The following CUBN variants were observed in gnomAD, a reference collection of about 807,000 sequenced individuals.
CUBN encodes the protein 460 kDa receptor.
Under a neutral mutation model 405.3 loss-of-function variants are expected in CUBN, and 282 were observed. The observed-to-expected ratio is 0.70, with a 90% CI of 0.63 to 0.77. The LOEUF is 0.77. Among genes scored for constraint, CUBN ranks in the 30% least tolerant of loss-of-function variants. The pLI, the probability that CUBN is intolerant of heterozygous loss-of-function variation, is 0.00. For synonymous variants in CUBN, 1,684 were observed against 1,617.0 expected, an observed-to-expected ratio of 1.04 and a Z score of -0.99; for missense variants, 4,514 against 4,475.2, an observed-to-expected ratio of 1.01 and a Z score of -0.25.
chr10:16,942,858 G>GGGAAA (rs1291094413), intron 36 of CUBN, among the ~76,000 whole-genome samples: 1 of 114,212 alleles, frequency 8.8e-6, no homozygotes, highest in East Asian at 2.6e-4. Context: ...GGAAGGGGAA[G>GGGAAA]GGAAAGGAAG....
intron 58 of CUBN, among the ~76,000 whole-genome samples, chr10:16,873,103 GAGGT>G (rs45547642): frequency 2.1e-4 from 32 of 152,058 alleles, no homozygotes; most frequent in East Asian, 1.9e-4. Flanking sequence ...AAATAGAGGG[GAGGT>G]AGGTAGGTAG....
At chr10:16,914,888 T>C (rs551206507) in intron 47 of CUBN, 144 bp downstream of exon 47, 270 of 737,268 alleles carry the variant, frequency 3.7e-4, no homozygotes, top group Admixed American at 1.1e-3. Flanking sequence ...ATTTTTCATT[T>C]ATCACTGTGA....
At position 16,925,571 on chromosome 10, in the gene CUBN, C is replaced by T; in HGVS notation, c.6462+13G>A. The T allele has an allele frequency of 6.2e-7, 1 of 1,613,452 alleles. No homozygotes were observed. Among genetic ancestry groups the T allele is most frequent in the Non-Finnish European group, 8.5e-7 (1 of 1,179,714 alleles). On this transcript the variant is annotated intron_variant, in intron 42 of 66. Coordinates refer to ENST00000377833, the MANE Select transcript of CUBN (RefSeq NM_001081.4). ...TGGAAAATGTAATTAGAAAGGGTAG[C>T]AGCAAGACCTACCACCAAGTAATCC...
intron 60 of CUBN, among the ~76,000 whole-genome samples, chr10:16,846,568 T>C (rs535868707): frequency 1.3e-5 from 2 of 152,160 alleles, no homozygotes; most frequent in East Asian, 3.9e-4. Context: ...TCCCAGCACT[T>C]TGGGAGGCCA....
At chr10:16,968,308 G>A (rs925286629) in intron 31 of CUBN, among the ~76,000 whole-genome samples, 15 of 151,846 alleles carry the variant, frequency 9.9e-5, no homozygotes, top group Admixed American at 9.8e-4. Context: ...GCAGCTTTGG[G>A]TGGGAGCACA....
chr10:16,992,197 C>A (rs1482972418), intron 28 of CUBN, among the ~76,000 whole-genome samples: 1 of 151,454 alleles, frequency 6.6e-6, no homozygotes, highest in Non-Finnish European at 1.5e-5. Context: ...ACAATGAGAA[C>A]ACTTGGACAC....
chr10:17,004,800 G>C (rs1400234608), intron 28 of CUBN, among the ~76,000 whole-genome samples: 1 of 151,762 alleles, frequency 6.6e-6, no homozygotes, highest in Non-Finnish European at 1.5e-5. Context: ...CTCCTGAGTA[G>C]CTAGGATTAC....
At chr10:16,982,783 A>G (rs1833312229) in intron 30 of CUBN, 130 bp from the exon 31 acceptor site, 4 of 821,356 alleles carry the variant, frequency 4.9e-6, no homozygotes, top group South Asian at 4.4e-5. Flanking sequence ...ACACTGAAGA[A>G]TTTGATATCC....
At chr10:16,967,213 A>C (rs975408746) in intron 31 of CUBN, among the ~76,000 whole-genome samples, 4 of 152,082 alleles carry the variant, frequency 2.6e-5, no homozygotes, top group Non-Finnish European at 4.4e-5. Flanking sequence ...CCCACATCTC[A>C]TATCACGATG....
chr10:16,876,418 A>G (rs1171442445), intron 57 of CUBN, among the ~76,000 whole-genome samples: 1 of 152,338 alleles, frequency 6.6e-6, no homozygotes, highest in East Asian at 1.9e-4. Context: ...GAATATATCA[A>G]TCTTTTCCAT....
chr10:16,873,460 G>A (rs774590450), intron 58 of CUBN, among the ~76,000 whole-genome samples: 3 of 152,116 alleles, frequency 2.0e-5, no homozygotes, highest in African/African-American at 4.8e-5. Context: ...GGTGGCTCAT[G>A]CCTGTAATCC....
intron 17 of CUBN, among the ~76,000 whole-genome samples, chr10:17,076,378 A>T (rs971643547): frequency 6.6e-6 from 1 of 152,042 alleles, no homozygotes; most frequent in Non-Finnish European, 1.5e-5. Context: ...CCTTTGAAAG[A>T]GACACTAGAA....
chr10:16,914,546 G>A (rs1012223463), intron 47 of CUBN, among the ~76,000 whole-genome samples: 2 of 151,306 alleles, frequency 1.3e-5, no homozygotes, highest in African/African-American at 4.9e-5. Flanking sequence ...ACAACAGAGC[G>A]AGACACTGTC....
intron 14 of CUBN, among the ~76,000 whole-genome samples, chr10:17,095,158 G>T (rs1346979667): frequency 1.3e-5 from 2 of 151,884 alleles, no homozygotes; most frequent in Non-Finnish European, 2.9e-5. Context: ...AACATGTAAA[G>T]GATAGTCTAT....
chr10:16,915,703 C>T (rs1841863982), intron 46 of CUBN, 118 bp downstream of exon 46: 2 of 829,594 alleles, frequency 2.4e-6, no homozygotes, highest in South Asian at 1.4e-5. Context: ...CATTAGTCTG[C>T]ACTTCTCTGC....
At chr10:16,994,305 A>T (rs1230825555) in intron 28 of CUBN, among the ~76,000 whole-genome samples, 4 of 152,212 alleles carry the variant, frequency 2.6e-5, no homozygotes, top group African/African-American at 4.8e-5. Flanking sequence ...TATAGACATA[A>T]AAAGTGTTAT....
rs373525589 is a variant in CUBN, at chr10:16,890,506, C to T, written c.8620G>A (p.Val2874Met). 8 of 1,614,054 alleles carry T rather than the reference C, an allele frequency of 5.0e-6. No individual in the cohort carries two copies. The African/African-American group carries it at 9.3e-5, about 19-fold the overall frequency. Residue 2874 changes from valine to methionine, a missense_variant, in exon 55 of 67, where the codon GTG (valine) becomes ATG (methionine). Transcript: ENST00000377833. The stretch of plus-strand genomic sequence containing the variant: ...CCAGTGGCTAGCAGGGCTTTGTCCA[C>T]CTCCTCAGTTCCTGCCCACACCTAG... ...FVKVWAGTEE[V>M]DKALLATGCG...
intron 14 of CUBN, among the ~76,000 whole-genome samples, chr10:17,090,922 C>G (rs1448995751): frequency 6.8e-6 from 1 of 147,950 alleles, no homozygotes; most frequent in Non-Finnish European, 1.5e-5. Flanking sequence ...TAAAAAACAA[C>G]AAAAAAGTTT....
At position 17,071,433 on chromosome 10, in the gene CUBN, T is replaced by A. The variant is rs762684411; in HGVS notation, c.2618A>T (p.Tyr873Phe). 5.0e-6 allele frequency: 8 copies of A among 1,613,932 alleles called. No homozygotes were observed. Among genetic ancestry groups the A allele is most frequent in the Non-Finnish European group, 6.8e-6 (8 of 1,179,872 alleles). ...AGATTTTTTCCCTCTTACCTCAACA[T>A]AATCTGTTTCACAGTGGGCAGAACT... ...IGSSAHCETD[Y>F]VEIGSSSILG... The change falls in exon 19 of 67, where the codon TAT becomes TTT. Residue 873 changes from tyrosine (Y) to phenylalanine (F), a missense_variant. Coordinates refer to ENST00000377833, the MANE Select transcript of CUBN (RefSeq NM_001081.4).
Sources: gnomAD v4.1 joint callset for allele counts (sites outside exome capture counted in the v4.1 genomes callset) on GRCh38, gnomAD v4.1.1 for gene constraint, MANE v1.5 for transcripts, NCBI Gene and HGNC (gene_info 2026-07-23, HGNC 2026-07-21) for gene names.